Variants in CRACD observed in about 807,000 individuals in gnomAD.
CRACD encodes capping protein-inhibiting regulator of actin dynamics.
A neutral mutation model predicts 106.8 loss-of-function variants in CRACD; 56 were observed. That is an observed-to-expected ratio of 0.52 (90% CI 0.42 to 0.66). CRACD has a LOEUF of 0.66. Ranked by LOEUF, CRACD falls within the 30% of genes least tolerant of loss-of-function variation. The pLI is 0.00. For synonymous variants in CRACD, 754 were observed against 670.8 expected (o/e 1.12, Z -1.92); for missense variants, 1,730 against 1,623.2 (o/e 1.07, Z -1.13).
At chr4:56,195,649 A>G (rs529358372) in intron 2 of CRACD, among the ~76,000 whole-genome samples, 1 of 152,348 alleles carries the variant, frequency 6.6e-6, no homozygotes, top group South Asian at 2.1e-4. Flanking sequence ...TAAATGTTTC[A>G]GAAATTATTT....
intron 1 of CRACD, among the ~76,000 whole-genome samples, chr4:56,173,976 G>A (rs1239593325): frequency 1.3e-5 from 2 of 152,292 alleles, no homozygotes; most frequent in Non-Finnish European, 2.9e-5. Context: ...TAATGGTTGA[G>A]CAACTTGTCA....
At chr4:56,169,924 A>G (rs1021113422) in intron 1 of CRACD, among the ~76,000 whole-genome samples, 5 of 151,232 alleles carry the variant, frequency 3.3e-5, no homozygotes, top group Non-Finnish European at 5.9e-5. Flanking sequence ...CAGTTTACTC[A>G]TATGTAATTC....
At chr4:56,284,631 A>G (rs1743229140) in intron 3 of CRACD, among the ~76,000 whole-genome samples, 1 of 152,186 alleles carries the variant, frequency 6.6e-6, no homozygotes, top group Non-Finnish European at 1.5e-5. Flanking sequence ...AGGCTGAAGT[A>G]GGAGAATTGC....
intron 1 of CRACD, among the ~76,000 whole-genome samples, chr4:56,175,912 C>G (rs1258628284): frequency 6.6e-6 from 1 of 152,098 alleles, no homozygotes. Flanking sequence ...TTCATAGATT[C>G]AGGTCTTACA....
intron 1 of CRACD, among the ~76,000 whole-genome samples, chr4:56,137,157 T>G (rs764534872): frequency 4.6e-5 from 7 of 152,016 alleles, no homozygotes; most frequent in Non-Finnish European, 1.0e-4. Flanking sequence ...ACATCAGGCA[T>G]GTGGTAGTGC....
intron 1 of CRACD, among the ~76,000 whole-genome samples, chr4:56,175,135 C>T (rs1030253456): frequency 3.3e-5 from 5 of 152,172 alleles, no homozygotes; most frequent in African/African-American, 1.2e-4. Flanking sequence ...CAAACCATAA[C>T]ATACAGATAT....
At chr4:56,144,162 A>C (rs11133424) in intron 1 of CRACD, among the ~76,000 whole-genome samples, 70,184 of 152,036 alleles carry the variant, frequency 0.46, 17,442 homozygotes, top group East Asian at 0.8. Context: ...TTCTGAGCAA[A>C]GGAAAAATGT....
At chr4:56,292,028 T>G (rs1158764202) in intron 3 of CRACD, among the ~76,000 whole-genome samples, 1 of 152,202 alleles carries the variant, frequency 6.6e-6, no homozygotes, top group Non-Finnish European at 1.5e-5. Flanking sequence ...GTTAAATACT[T>G]GTGACTAAAA....
rs1577925440 is a variant in CRACD at position 56,327,965 on chromosome 4, G to A, written c.*161G>A. 3.1e-6 allele frequency: 2 copies of A among 636,944 alleles called. No individual in the cohort carries two copies. The highest frequency in any genetic ancestry group is 5.0e-5 in the South Asian group (2 of 39,778). 39.5% of individuals were successfully genotyped at this position (636,944 alleles called of 1,614,324 possible). On this transcript the variant is annotated 3_prime_UTR_variant, in exon 11 of 11. Transcript: ENST00000682029. ...AGAAACTGAACTGGTGGTGTTCATT[G>A]TAAAGAGTGGATTTGCACAACCCTA... is the stretch of plus-strand genomic sequence containing the variant.
chr4:56,107,209 A>G lies in CRACD; in HGVS notation c.-336+57910A>G, dbSNP rs554484508. On this transcript the variant is annotated intron_variant, in intron 1 of 10. Transcript: ENST00000682029. ...TTACCCGGGGTGCTCTTTAACTCCT[A>G]GCCTCAAATGATCCTCCTGCCTCCA... 3.9e-5 allele frequency among the ~76,000 whole-genome samples: 6 copies of G among 152,068 alleles called. No individual in the cohort carries two copies. In the South Asian group the frequency reaches 1.2e-3, roughly 32 times the overall value.
At chr4:56,192,612 T>G (rs565696139) in intron 2 of CRACD, among the ~76,000 whole-genome samples, 1 of 151,812 alleles carries the variant, frequency 6.6e-6, no homozygotes, top group Non-Finnish European at 1.5e-5. Flanking sequence ...GACCAAGAGA[T>G]AGAAAAAGGA....
chr4:56,194,107 G>A (rs1166075741), intron 2 of CRACD, among the ~76,000 whole-genome samples: 1 of 152,124 alleles, frequency 6.6e-6, no homozygotes, highest in Non-Finnish European at 1.5e-5. Context: ...TCCATTATTA[G>A]ATGGGCCGAT....
chr4:56,195,672 G>A (rs962250132), intron 2 of CRACD, among the ~76,000 whole-genome samples: 17 of 152,246 alleles, frequency 1.1e-4, no homozygotes, highest in East Asian at 1.9e-4. Flanking sequence ...GCCTTTGGTC[G>A]TGAATCCAGA....
At chr4:56,326,345 A>C (rs1429063343) in intron 10 of CRACD, among the ~76,000 whole-genome samples, 2 of 152,204 alleles carry the variant, frequency 1.3e-5, no homozygotes, top group Non-Finnish European at 2.9e-5. Flanking sequence ...AGAAAGAGTG[A>C]GAAAAAGAGA....
In CRACD at chr4:56,211,860, A is replaced by G. The variant is rs114229355; in HGVS notation, c.-189+32430A>G. Among the ~76,000 whole-genome samples the G allele has an allele frequency of 9.2e-3, 1,394 of 152,292 alleles. 21 individuals carry two copies. Among genetic ancestry groups the G allele is most frequent in the African/African-American group, 0.031 (1,305 of 41,560 alleles). The stretch of plus-strand genomic sequence containing the variant: ...TGACAAATGGGAAGACAGGCTCTCA[A>G]TCTGGTCCATGGATTTGACTTGTAG... On this transcript the variant is annotated intron_variant, in intron 2 of 10. Coordinates refer to ENST00000682029, the MANE Select transcript of CRACD (RefSeq NM_001393381.1).
In CRACD at chr4:56,329,688, A is replaced by G. The variant is rs893938933; in HGVS notation, c.*1884A>G. Among the ~76,000 whole-genome samples the G allele has an allele frequency of 6.6e-6, 1 of 152,168 alleles. No homozygotes were observed. Among genetic ancestry groups the G allele is most frequent in the Non-Finnish European group, 1.5e-5 (1 of 68,014 alleles). Reference sequence around the variant, plus strand: ...TATATGTAGGCATTTGTTAGTTCCAATGATTTCCTCACTAATATAACACTT... The same window carrying G: ...TATATGTAGGCATTTGTTAGTTCCAGTGATTTCCTCACTAATATAACACTT... On this transcript the variant is annotated 3_prime_UTR_variant, in exon 11 of 11. Coordinates refer to ENST00000682029, the MANE Select transcript of CRACD (RefSeq NM_001393381.1).
At chr4:56,232,855 G>C (rs1824880) in intron 2 of CRACD, among the ~76,000 whole-genome samples, 1 of 151,916 alleles carries the variant, frequency 6.6e-6, no homozygotes, top group African/African-American at 2.4e-5. Context: ...CTCCCAAGTA[G>C]TTGGGATTAC....
rs372931721 is a variant in CRACD at position 56,071,996 on chromosome 4, C to T, written c.-336+22697C>T. ...ACAAAAAATTAGCCGGGCGTGGTGG[C>T]GGGCGCCTGTAGTCCCAGCTACGCG... On this transcript the variant is annotated intron_variant, in intron 1 of 10. Transcript: ENST00000682029. 7.7e-3 allele frequency among the ~76,000 whole-genome samples: 1,169 copies of T among 151,402 alleles called. 19 individuals are homozygous for T. The highest frequency in any genetic ancestry group is 0.037 in the South Asian group (178 of 4,772).
At chr4:56,107,137 T>G (rs1733972513) in intron 1 of CRACD, among the ~76,000 whole-genome samples, 1 of 150,980 alleles carries the variant, frequency 6.6e-6, no homozygotes, top group Non-Finnish European at 1.5e-5. Flanking sequence ...CACATTCAGC[T>G]AATCTAAAAA....
Sources: allele counts gnomAD v4.1 joint callset (sites outside exome capture counted in the v4.1 genomes callset), GRCh38; gene constraint gnomAD v4.1.1; transcripts MANE v1.5; gene names NCBI Gene and HGNC (gene_info 2026-07-23, HGNC 2026-07-21).